The following DHCR24 variants were observed in gnomAD, a reference collection of about 807,000 sequenced individuals.
DHCR24 encodes 24-dehydrocholesterol reductase, also known as delta(24)-sterol reductase.
In DHCR24, 28 loss-of-function variants were observed where a neutral mutation model predicts 61.2. The observed-to-expected ratio is 0.46, with a 90% CI of 0.34 to 0.63. The LOEUF (loss-of-function observed/expected upper bound fraction) is 0.63, where lower values mean the gene tolerates loss of function less well. Ranked by LOEUF, DHCR24 falls within the 20% of genes least tolerant of loss-of-function variation. The probability of loss-of-function intolerance (pLI) is 0.01; values close to 1 mark genes in which losing one functional copy is unlikely to be tolerated. For synonymous variants in DHCR24, 261 were observed against 275.9 expected (o/e 0.95, Z 0.54); for missense variants, 538 against 679.1 (o/e 0.79, Z 2.31).
chr1:54,853,897 T>C (rs1557429130), intron 7 of DHCR24, 140 bp downstream of exon 7: 2 of 922,578 alleles, frequency 2.2e-6, no homozygotes, highest in Non-Finnish European at 3.4e-6. Context: ...TCAGCAGACA[T>C]AGGGACAAGG....
chr1:54,853,574 G>C lies in DHCR24; in HGVS notation c.1257C>G (p.Ser419Arg). ...CTTTGGGGTGCACTAGGCCTGGCTGGCTGGGCAGGATGAACGGACACAGCC... is the reference window on the plus strand; with the variant it reads ...CTTTGGGGTGCACTAGGCCTGGCTGCCTGGGCAGGATGAACGGACACAGCC... ...PIWLCPFILP[S>R]QPGLVHPKGN... is the part of the protein sequence containing the mutation. Residue 419 changes from serine (S) to arginine (R), a missense_variant, in exon 8 of 9, where the codon AGC (serine) becomes AGG (arginine). By Grantham distance (110) the Ser-to-Arg change is moderately radical. Coordinates refer to ENST00000371269, the MANE Select transcript of DHCR24 (RefSeq NM_014762.4). The C allele has an allele frequency of 6.2e-7, 1 of 1,614,090 alleles. No individual in the cohort carries two copies. Among genetic ancestry groups the C allele is most frequent in the East Asian group, 2.2e-5 (1 of 44,878 alleles).
intron 2 of DHCR24, among the ~76,000 whole-genome samples, chr1:54,879,038 G>A (rs545378417): frequency 2.6e-5 from 4 of 152,058 alleles, no homozygotes; most frequent in Admixed American, 1.3e-4. Context: ...AAAAAGATCC[G>A]GCCAGGTGCA....
rs962985806 is a variant in DHCR24, at chr1:54,857,547, G to A, written c.1021-3313C>T. Reference sequence around the variant, plus strand: ...AAGTCAAAGGTAGTGTTGGTAGAATGTGCATGTAACAAAGAGAAGTAAAAA... The same window carrying A: ...AAGTCAAAGGTAGTGTTGGTAGAATATGCATGTAACAAAGAGAAGTAAAAA... On this transcript the variant is annotated intron_variant, in intron 6 of 8. Transcript: ENST00000371269. Among the ~76,000 whole-genome samples, 18 of 152,342 alleles carry A rather than the reference G, an allele frequency of 1.2e-4. 1 individual carries two copies. The highest frequency in any genetic ancestry group is 1.0e-3 in the Admixed American group (16 of 15,304).
At chr1:54,861,191 G>A (rs1646936573) in intron 6 of DHCR24, among the ~76,000 whole-genome samples, 1 of 152,062 alleles carries the variant, frequency 6.6e-6, no homozygotes, top group Non-Finnish European at 1.5e-5. Flanking sequence ...GTGTGGGAGC[G>A]GAAGTGAGCA....
chr1:54,853,607 G>A lies in DHCR24; in HGVS notation c.1224C>T (p.Tyr408=). The A allele has an allele frequency of 6.2e-7, 1 of 1,613,170 alleles. No individual in the cohort carries two copies. Among genetic ancestry groups the A allele is most frequent in the South Asian group, 1.1e-5 (1 of 90,780 alleles). Residue 408 remains tyrosine, a synonymous_variant, in exon 8 of 9, where the codon TAC becomes TAT. Coordinates refer to ENST00000371269, the MANE Select transcript of DHCR24 (RefSeq NM_014762.4). Reference sequence around the variant, plus strand: ...GGATGAACGGACACAGCCAGATGGGGTAGACCTGGGTAGACCAGGGAGGTG... The same window carrying A: ...GGATGAACGGACACAGCCAGATGGGATAGACCTGGGTAGACCAGGGAGGTG... ...LHTFQNDIHV[Y]PIWLCPFILP...
At chr1:54,871,739 T>G (rs1396707908) in intron 4 of DHCR24, 126 bp from the exon 5 acceptor site, 1 of 1,341,166 alleles carries the variant, frequency 7.5e-7, no homozygotes, top group Non-Finnish European at 1.0e-6. Context: ...ACCCAAACAA[T>G]GAGCTTTACA....
At chr1:54,863,905 T>C (rs141656478) in intron 6 of DHCR24, among the ~76,000 whole-genome samples, 2 of 152,246 alleles carry the variant, frequency 1.3e-5, no homozygotes, top group Non-Finnish European at 2.9e-5. Flanking sequence ...AAATAGACTT[T>C]TCACCAAAGA....
Position 54,852,254 on chromosome 1 carries a change from G to T in DHCR24, c.1530C>A (p.Ile510=), listed in dbSNP as rs1467324850. 1 of 1,614,240 alleles carries T rather than the reference G, an allele frequency of 6.2e-7. No homozygotes were observed. The highest frequency in any genetic ancestry group is 8.5e-7 in the Non-Finnish European group (1 of 1,180,048). Residue 510 remains isoleucine (I), a synonymous_variant, in exon 9 of 9, where the codon ATC becomes ATA. Transcript: ENST00000371269. ...QDAFPEVYDK[I]CKAARH is the part of the protein sequence containing the mutation. ...CAGCTCAGTGCCTGGCGGCCTTGCA[G>T]ATCTTGTCGTACACCTCGGGGAAGG...
In DHCR24 at chr1:54,883,514, G is replaced by A; in HGVS notation, c.387+104C>T. ...TTCTATGACTGTGGGCATTGGTCCTGTCCACTCTGCAATGCCCTTGGCTAA... is the reference window on the plus strand; with the variant it reads ...TTCTATGACTGTGGGCATTGGTCCTATCCACTCTGCAATGCCCTTGGCTAA... On this transcript the variant is annotated intron_variant, in intron 2 of 8. Transcript: ENST00000371269. The surrounding 1 kb of genome is among the most constrained non-coding windows in gnomAD (Gnocchi z 4.3). The A allele has an allele frequency of 6.5e-6, 9 of 1,392,740 alleles. No homozygotes were observed. The highest frequency in any genetic ancestry group is 9.2e-6 in the Non-Finnish European group (9 of 981,814). The allele number at this position is 1,392,740 out of a possible 1,614,324, so 86.3% of individuals were successfully genotyped here. A position where few individuals can be genotyped will look rare whatever the true frequency, so the allele number is the denominator to read the frequency against.
At position 54,874,701 on chromosome 1, in the gene DHCR24, T is replaced by A. The variant is rs79022190; in HGVS notation, c.612+392A>T. Among the ~76,000 whole-genome samples, 1,244 of 152,288 alleles carry A rather than the reference T, an allele frequency of 8.2e-3. 52 individuals carry two copies. The East Asian group carries it at 0.12, about 15-fold the overall frequency. ...TCCTCTCCAGAGAGGCAGGATGGCA[T>A]AATGAACGGCTAAGGGACCTGGGAG... On this transcript the variant is annotated intron_variant, in intron 4 of 8. Transcript: ENST00000371269.
intron 6 of DHCR24, among the ~76,000 whole-genome samples, chr1:54,862,402 A>G (rs1646943712): frequency 6.6e-6 from 1 of 152,130 alleles, no homozygotes; most frequent in Admixed American, 6.5e-5. Flanking sequence ...CCAGAGGTCG[A>G]GTCTGTCTTC....
intron 6 of DHCR24, among the ~76,000 whole-genome samples, chr1:54,856,525 C>T (rs539938248): frequency 2.0e-5 from 3 of 151,852 alleles, no homozygotes; most frequent in Admixed American, 6.6e-5. Context: ...TCGTTTGAAG[C>T]GGAGAGGCGG....
At chr1:54,877,373 T>A (rs1045741426) in intron 2 of DHCR24, among the ~76,000 whole-genome samples, 1 of 149,756 alleles carries the variant, frequency 6.7e-6, no homozygotes, top group African/African-American at 2.5e-5. Flanking sequence ...GACTTCTACT[T>A]CTAGCCGAAG....
At chr1:54,881,009 G>A (rs1029358572) in intron 2 of DHCR24, among the ~76,000 whole-genome samples, 2 of 152,116 alleles carry the variant, frequency 1.3e-5, no homozygotes, top group African/African-American at 4.8e-5. Flanking sequence ...AATTAGCTGG[G>A]TGTGGTGGCA....
At chr1:54,881,745 GC>G (rs1479206646) in intron 2 of DHCR24, among the ~76,000 whole-genome samples, 1 of 152,152 alleles carries the variant, frequency 6.6e-6, no homozygotes, top group African/African-American at 2.4e-5. Context: ...CAACTTAAAT[GC>G]CCATCAGTGG....
chr1:54,864,003 C>A (rs1226784273), intron 6 of DHCR24, among the ~76,000 whole-genome samples: 1 of 152,128 alleles, frequency 6.6e-6, no homozygotes, highest in East Asian at 1.9e-4. Context: ...ATAAACCCAC[C>A]AGAATGGCTA....
Position 54,871,425 on chromosome 1 carries a change from C to A in DHCR24, c.801G>T (p.Val267=). 1 of 1,614,170 alleles carries A rather than the reference C, an allele frequency of 6.2e-7. No homozygotes were observed. Among genetic ancestry groups the A allele is most frequent in the Non-Finnish European group, 8.5e-7 (1 of 1,180,026 alleles). Residue 267 remains valine, a synonymous_variant, in exon 5 of 9, where the codon GTG becomes GTT. Transcript: ENST00000371269. ...HESQRQENHF[V]EGLLYSLDEA... Reference sequence around the variant, plus strand: ...CATCCAGGGAGTAGAGCAGCCCTTCCACGAAGTGGTTCTCCTGCCGCTGGG... The same window carrying A: ...CATCCAGGGAGTAGAGCAGCCCTTCAACGAAGTGGTTCTCCTGCCGCTGGG...
rs1300681446 is a variant in DHCR24 at position 54,883,964 on chromosome 1, A to AT, written c.232-192dup. ...CAGCAAGGCTGACAGAAAAGCCAACATATTGCTACACCACAAGGCAGAATG... is the reference window on the plus strand; with the variant it reads ...CAGCAAGGCTGACAGAAAAGCCAACATTATTGCTACACCACAAGGCAGAATG... On this transcript the variant is annotated intron_variant, in intron 1 of 8. Transcript: ENST00000371269. The surrounding 1 kb of genome is among the most constrained non-coding windows in gnomAD (Gnocchi z 4.3). Among the ~76,000 whole-genome samples, 5 of 152,246 alleles carry AT rather than the reference A, an allele frequency of 3.3e-5. No individual in the cohort carries two copies. The highest frequency in any genetic ancestry group is 4.4e-5 in the Non-Finnish European group (3 of 68,044).
intron 5 of DHCR24, among the ~76,000 whole-genome samples, chr1:54,869,053 T>A (rs983273915): frequency 1.3e-5 from 2 of 151,996 alleles, no homozygotes; most frequent in East Asian, 3.9e-4. Context: ...GGTGACAGAG[T>A]GAGACCTTGT....
Sources: allele counts gnomAD v4.1 joint callset (sites outside exome capture counted in the v4.1 genomes callset), GRCh38; gene constraint gnomAD v4.1.1; non-coding constraint Gnocchi (gnomAD v3.1); transcripts MANE v1.5; gene names NCBI Gene and HGNC (gene_info 2026-07-23, HGNC 2026-07-21).